Variants in TRPM1 observed in about 807,000 individuals in gnomAD.
The protein encoded by TRPM1 is transient receptor potential cation channel subfamily M member 1.
Under a neutral mutation model 149.4 loss-of-function variants are expected in TRPM1, and 113 were observed. The ratio of observed to expected loss-of-function variants is 0.76; its 90% CI spans 0.65 to 0.88. TRPM1 has a LOEUF of 0.88. Ranked by LOEUF, TRPM1 falls within the 40% of genes least tolerant of loss-of-function variation. TRPM1 has a pLI of 0.00. For missense variants in TRPM1, 1,976 were observed against 2,038.7 expected, an observed-to-expected ratio of 0.97 and a Z score of 0.59; for synonymous variants, 741 against 759.5, an observed-to-expected ratio of 0.98 and a Z score of 0.40.
intron 2 of TRPM1, 87 bp from the exon 3 acceptor site, chr15:31,077,071 G>A (rs1479095460): frequency 2.3e-6 from 2 of 857,044 alleles, no homozygotes; most frequent in Non-Finnish European, 3.9e-6. Context: ...AAAACAATAT[G>A]TCTGCCCACA....
At chr15:31,064,670 G>A (rs183425626) in intron 7 of TRPM1, among the ~76,000 whole-genome samples, 105 of 152,304 alleles carry the variant, frequency 6.9e-4, no homozygotes, top group Admixed American at 1.3e-3. Flanking sequence ...AAATCTGCCA[G>A]CATTGGTTAA....
At chr15:31,154,114 A>G (rs923354876) in intron 1 of TRPM1, among the ~76,000 whole-genome samples, 1 of 152,262 alleles carries the variant, frequency 6.6e-6, no homozygotes, top group African/African-American at 2.4e-5. Flanking sequence ...ATGTCTGTCT[A>G]CGGAATTTAA....
intron 1 of TRPM1, among the ~76,000 whole-genome samples, chr15:31,147,388 A>C (rs1325288139): frequency 6.6e-6 from 1 of 152,236 alleles, no homozygotes; most frequent in East Asian, 1.9e-4. Flanking sequence ...TTCTAAAATT[A>C]AATTAAATCT....
chr15:31,076,783 C>T (rs2034704993), intron 3 of TRPM1, 122 bp downstream of exon 3: 2 of 795,312 alleles, frequency 2.5e-6, no homozygotes, highest in Admixed American at 1.8e-5. Context: ...TTGTTAGTGA[C>T]TCCCATGGGG....
chr15:31,093,290 TA>T (rs2035291219), intron 1 of TRPM1, among the ~76,000 whole-genome samples: 1 of 120,990 alleles, frequency 8.3e-6, no homozygotes, highest in African/African-American at 3.1e-5. Flanking sequence ...AAAAAAAGAT[TA>T]AAAAAGCTCC....
chr15:31,017,265 C>T (rs12898815), intron 27 of TRPM1, among the ~76,000 whole-genome samples: 34,923 of 152,062 alleles, frequency 0.23, 4,642 homozygotes, highest in Non-Finnish European at 0.3. Flanking sequence ...GCCGAGATCA[C>T]GCCACTGCAC....
intron 1 of TRPM1, among the ~76,000 whole-genome samples, chr15:31,106,937 C>G (rs997413267): frequency 6.6e-6 from 1 of 152,136 alleles, no homozygotes; most frequent in African/African-American, 2.4e-5. Flanking sequence ...CAACAAAATA[C>G]GTTGTTACAC....
intron 2 of TRPM1, among the ~76,000 whole-genome samples, chr15:31,079,953 C>T (rs2034812383): frequency 1.3e-5 from 2 of 152,152 alleles, no homozygotes; most frequent in Admixed American, 1.3e-4. Context: ...GCCAAAAGAA[C>T]ACAGTGGCTG....
At chr15:31,148,689 C>T (rs1419346171) in intron 1 of TRPM1, among the ~76,000 whole-genome samples, 2 of 152,226 alleles carry the variant, frequency 1.3e-5, no homozygotes, top group East Asian at 3.8e-4. Flanking sequence ...CAGATAAGAA[C>T]TCTCCTGGCC....
At chr15:31,047,716 TA>T (rs1190895544) in intron 14 of TRPM1, among the ~76,000 whole-genome samples, 172 bp downstream of exon 14, 1 of 152,230 alleles carries the variant, frequency 6.6e-6, no homozygotes, top group Non-Finnish European at 1.5e-5. Flanking sequence ...ACATGCAACT[TA>T]AAAAAGATTA....
chr15:31,031,797 G>A (rs903831339), intron 22 of TRPM1, among the ~76,000 whole-genome samples: 3 of 152,044 alleles, frequency 2.0e-5, no homozygotes, highest in Non-Finnish European at 4.4e-5. Flanking sequence ...GGTAATGTAA[G>A]GATGACCTGC....
intron 27 of TRPM1, among the ~76,000 whole-genome samples, chr15:31,015,515 C>T (rs751711573): frequency 5.3e-5 from 8 of 152,180 alleles, no homozygotes; most frequent in Admixed American, 1.3e-4. Context: ...GGAACAGCCT[C>T]TTTGCCTCCA....
upstream of TRPM1, among the ~76,000 whole-genome samples, chr15:31,103,255 C>T (rs995546009): frequency 2.6e-5 from 4 of 152,166 alleles, no homozygotes; most frequent in African/African-American, 9.7e-5. Context: ...CCCAAGAGAA[C>T]ACCCCTCCTC....
intron 1 of TRPM1, among the ~76,000 whole-genome samples, chr15:31,117,174 AC>A (rs1437162344): frequency 1.3e-5 from 2 of 152,066 alleles, no homozygotes; most frequent in Non-Finnish European, 2.9e-5. Flanking sequence ...ACATGGCAAA[AC>A]CCCATCTCTA....
chr15:31,103,806 CTG>C (rs2035560188), upstream of TRPM1, among the ~76,000 whole-genome samples: 2 of 107,494 alleles, frequency 1.9e-5, no homozygotes. Flanking sequence ...GAGTGAGACT[CTG>C]TATCCAAAAA....
intron 1 of TRPM1, among the ~76,000 whole-genome samples, chr15:31,115,418 CA>C (rs1215143461): frequency 1.2e-4 from 18 of 152,212 alleles, no homozygotes; most frequent in African/African-American, 4.1e-4. Context: ...GTTGAGGTCA[CA>C]GGGGCAAACT....
At chr15:31,046,076 A>G (rs2033753000) in intron 16 of TRPM1, 128 bp downstream of exon 16, 2 of 827,166 alleles carry the variant, frequency 2.4e-6, no homozygotes, top group East Asian at 2.5e-5. Context: ...GTCCTTTTAT[A>G]TAATTTGACT....
intron 4 of TRPM1, 39 bp downstream of exon 4, chr15:31,069,992 T>C: frequency 1.9e-6 from 3 of 1,614,164 alleles, no homozygotes; most frequent in Non-Finnish European, 2.5e-6. Context: ...CAATGAAAGC[T>C]GTGATCCTAG....
At position 31,084,892 on chromosome 15, in the gene TRPM1, T is replaced by A. The variant is rs1320348626; in HGVS notation, c.-83-3454A>T. On this transcript the variant is annotated intron_variant, in intron 1 of 27. Coordinates refer to ENST00000256552, the MANE Select transcript of TRPM1 (RefSeq NM_001252024.2). ...TAGTAGAGATGGGTGTTTCACCATG[T>A]TGACCAGGCTGGTCTCGAACTCCTG... 4.0e-5 allele frequency among the ~76,000 whole-genome samples: 6 copies of A among 151,412 alleles called. No homozygotes were observed. In the South Asian group the frequency reaches 1.3e-3, roughly 32 times the overall value.
Sources: gnomAD v4.1 joint callset for allele counts (sites outside exome capture counted in the v4.1 genomes callset) on GRCh38, gnomAD v4.1.1 for gene constraint, MANE v1.5 for transcripts, NCBI Gene and HGNC (gene_info 2026-07-23, HGNC 2026-07-21) for gene names.